The following MED12L variants were observed in gnomAD, a reference collection of about 807,000 sequenced individuals.
The protein encoded by MED12L is mediator of RNA polymerase II transcription subunit 12-like protein.
A neutral mutation model predicts 281.3 loss-of-function variants in MED12L; 60 were observed. The ratio of observed to expected loss-of-function variants is 0.21; its 90% CI spans 0.17 to 0.26. The LOEUF (loss-of-function observed/expected upper bound fraction) is 0.26, where lower values mean the gene tolerates loss of function less well. MED12L is among the 10% of genes least tolerant of loss of function. The pLI, the probability that MED12L is intolerant of heterozygous loss-of-function variation, is 1.00. For synonymous variants in MED12L, 974 were observed against 987.2 expected (o/e 0.99, Z 0.25); for missense variants, 2,146 against 2,680.9 (o/e 0.80, Z 4.41).
intron 16 of MED12L, among the ~76,000 whole-genome samples, chr3:151,247,349 A>T (rs1033827303): frequency 1.3e-5 from 2 of 152,138 alleles, no homozygotes; most frequent in Non-Finnish European, 2.9e-5. Flanking sequence ...AATAGCAAAG[A>T]CTTGGAACCA....
chr3:151,100,018 T>A (rs1231544637), intron 2 of MED12L, among the ~76,000 whole-genome samples: 1 of 152,178 alleles, frequency 6.6e-6, no homozygotes, highest in Non-Finnish European at 1.5e-5. Flanking sequence ...ACAGTTAACA[T>A]CGGTGAGATT....
At chr3:151,292,425 T>C (rs903619092) in intron 16 of MED12L, among the ~76,000 whole-genome samples, 6 of 151,994 alleles carry the variant, frequency 3.9e-5, no homozygotes, top group African/African-American at 1.5e-4. Flanking sequence ...TAGCTGGGAT[T>C]ACAGGTGTGT....
intron 16 of MED12L, among the ~76,000 whole-genome samples, chr3:151,266,010 T>C (rs1739765568): frequency 6.6e-6 from 1 of 152,206 alleles, no homozygotes. Context: ...TTCAGGTTGC[T>C]CAGTTACAAG....
chr3:151,091,900 T>G (rs1720097400), intron 2 of MED12L, among the ~76,000 whole-genome samples: 3 of 152,194 alleles, frequency 2.0e-5, no homozygotes, highest in Admixed American at 2.0e-4. Flanking sequence ...TTCATAGAGT[T>G]GCTGGGAAGA....
intron 16 of MED12L, among the ~76,000 whole-genome samples, chr3:151,261,621 C>A (rs1270091880): frequency 1.3e-5 from 2 of 152,014 alleles, no homozygotes; most frequent in Non-Finnish European, 2.9e-5. Context: ...TGCAAGTTAC[C>A]CAAGACTCCC....
chr3:151,336,215 T>A (rs932218760), intron 16 of MED12L, among the ~76,000 whole-genome samples: 1 of 152,210 alleles, frequency 6.6e-6, no homozygotes, highest in African/African-American at 2.4e-5. Flanking sequence ...ACTGTACTAG[T>A]CTACATAGCA....
At position 151,178,696 on chromosome 3, in the gene MED12L, GATAAT is replaced by G. The variant is rs150776241; in HGVS notation, c.1495-6629_1495-6625del. ...GCAGTTTCCTTATTTGTAAACTGGG[GATAAT>G]ATAACCAGCTTATAGGTTGTAAAGA... On this transcript the variant is annotated intron_variant, in intron 11 of 44. Transcript: ENST00000687756. Among the ~76,000 whole-genome samples, 847 of 152,244 alleles carry G rather than the reference GATAAT, an allele frequency of 5.6e-3. 3 individuals are homozygous for G. Among genetic ancestry groups the G allele is most frequent in the African/African-American group, 0.019 (787 of 41,532 alleles).
chr3:151,148,178 G>A (rs1356336668), intron 5 of MED12L, among the ~76,000 whole-genome samples: 3 of 152,118 alleles, frequency 2.0e-5, no homozygotes, highest in African/African-American at 7.2e-5. Flanking sequence ...TGTCTGTTCA[G>A]ATCCTTTGCC....
At chr3:151,122,386 C>T (rs949848633) in intron 3 of MED12L, among the ~76,000 whole-genome samples, 12 of 152,036 alleles carry the variant, frequency 7.9e-5, no homozygotes, top group African/African-American at 2.9e-4. Context: ...GAATGATTAC[C>T]GAGTGATTAC....
intron 2 of MED12L, 133 bp downstream of exon 2, chr3:151,087,158 A>T: frequency 1.4e-6 from 1 of 714,640 alleles, no homozygotes. Context: ...GGCGGGGGCC[A>T]GGCTGGGGGT....
chr3:151,104,327 T>C (rs551538281), intron 2 of MED12L, among the ~76,000 whole-genome samples: 51 of 152,330 alleles, frequency 3.3e-4, no homozygotes, highest in African/African-American at 1.2e-3. Flanking sequence ...AGGAGGCTGG[T>C]ATTAATGCTT....
intron 13 of MED12L, among the ~76,000 whole-genome samples, chr3:151,188,838 G>A (rs942092759): frequency 1.3e-5 from 2 of 152,176 alleles, no homozygotes; most frequent in Non-Finnish European, 2.9e-5. Context: ...GGGAGTAGGG[G>A]GGAATCAAGC....
intron 16 of MED12L, among the ~76,000 whole-genome samples, chr3:151,251,500 C>CT (rs976030410): frequency 2.0e-5 from 3 of 152,118 alleles, no homozygotes; most frequent in African/African-American, 7.2e-5. Flanking sequence ...GTCCTCCACT[C>CT]ACCCGTGAGA....
intron 2 of MED12L, among the ~76,000 whole-genome samples, chr3:151,089,216 A>T (rs555404718): frequency 6.6e-6 from 1 of 152,314 alleles, no homozygotes; most frequent in South Asian, 2.1e-4. Context: ...AATCATGTTT[A>T]CATACTATTT....
intron 16 of MED12L, among the ~76,000 whole-genome samples, chr3:151,283,341 A>G (rs1050463239): frequency 2.0e-5 from 3 of 152,272 alleles, no homozygotes; most frequent in Admixed American, 6.5e-5. Flanking sequence ...CTGAATCTCG[A>G]CTGATGTTAG....
chr3:151,229,760 A>T (rs983076048), intron 16 of MED12L, among the ~76,000 whole-genome samples: 1 of 151,430 alleles, frequency 6.6e-6, no homozygotes, highest in African/African-American at 2.4e-5. Flanking sequence ...CCACTGCGCC[A>T]GGCGAACTGA....
intron 2 of MED12L, among the ~76,000 whole-genome samples, chr3:151,101,390 T>G (rs976537773): frequency 1.3e-5 from 2 of 152,116 alleles, no homozygotes; most frequent in South Asian, 2.1e-4. Context: ...ATGAAGAAAC[T>G]GAGGCACAGA....
intron 16 of MED12L, chr3:151,300,256 A>G (rs543289176): frequency 1.3e-5 from 9 of 683,676 alleles, no homozygotes; most frequent in African/African-American, 3.6e-5. Flanking sequence ...TTAAAATACA[A>G]CATTTTGGTC....
Position 151,185,411 on chromosome 3 carries a change from A to G in MED12L, c.1576A>G (p.Met526Val). 1.2e-6 allele frequency: 2 copies of G among 1,614,066 alleles called. No homozygotes were observed. Among genetic ancestry groups the G allele is most frequent in the East Asian group, 2.2e-5 (1 of 44,844 alleles). ...SCKRSGKHRAMAVAKLLEKRQ... is the reference protein window; with the variant it reads ...SCKRSGKHRAVAVAKLLEKRQ... ...CAAACGGTCTGGCAAGCACAGGGCC[A>G]TGGCTGTGGCAAAACTCCTGGAGAA... is the stretch of plus-strand genomic sequence containing the variant. The change falls in exon 12 of 45, where the codon ATG (methionine) becomes GTG (valine). Residue 526 changes from methionine (M) to valine (V), a missense_variant. Met to Val is a conservative substitution (Grantham distance 21). Coordinates refer to ENST00000687756, the MANE Select transcript of MED12L (RefSeq NM_001393769.1).
Sources: allele counts gnomAD v4.1 joint callset (sites outside exome capture counted in the v4.1 genomes callset), GRCh38; gene constraint gnomAD v4.1.1; transcripts MANE v1.5; gene names NCBI Gene and HGNC (gene_info 2026-07-23, HGNC 2026-07-21).